NIPSNAP2: variants seen among roughly 807,000 people sequenced by gnomAD.
The protein encoded by NIPSNAP2 is nipsnap homolog 2, also known as protein NipSnap homolog 2.
In NIPSNAP2, 42 loss-of-function variants were observed where a neutral mutation model predicts 48.4. The observed-to-expected ratio is 0.87, with a 90% CI of 0.68 to 1.12. NIPSNAP2 has a LOEUF of 1.12. Ranked by LOEUF, NIPSNAP2 falls within the 50% of genes most tolerant of loss-of-function variation. The pLI is 0.00. For synonymous variants in NIPSNAP2, 158 were observed against 126.6 expected, an observed-to-expected ratio of 1.25 and a Z score of -1.67; for missense variants, 314 against 347.3, an observed-to-expected ratio of 0.90 and a Z score of 0.76.
chr7:55,978,659 T>C, intron 3 of NIPSNAP2: 1 of 433,932 alleles, frequency 2.3e-6, no homozygotes, highest in South Asian at 3.0e-5. Context: ...TGCCAGGCTG[T>C]CTAGTCCATC....
At chr7:55,997,611 A>T (rs759417879) in intron 9 of NIPSNAP2, among the ~76,000 whole-genome samples, 162 bp downstream of exon 9, 51 of 152,190 alleles carry the variant, frequency 3.4e-4, no homozygotes, top group Non-Finnish European at 5.1e-4. Context: ...TCTAATACTT[A>T]CATGACTTTT....
At chr7:55,998,493 GTTTTTTTTTTTT>G (rs1164855630) in intron 9 of NIPSNAP2, among the ~76,000 whole-genome samples, 3 of 63,188 alleles carry the variant, frequency 4.7e-5, no homozygotes, top group East Asian at 5.2e-4. Flanking sequence ...GGTAGGATCT[GTTTTTTTTTTTT>G]TTTTTTTTTT....
intron 9 of NIPSNAP2, among the ~76,000 whole-genome samples, chr7:55,998,263 G>A (rs1787606469): frequency 6.6e-6 from 1 of 151,636 alleles, no homozygotes; most frequent in Admixed American, 6.6e-5. Flanking sequence ...AAAAAAAAGT[G>A]TATCTCAGCC....
chr7:55,992,245 G>A (rs149950833), intron 7 of NIPSNAP2, among the ~76,000 whole-genome samples: 1 of 152,176 alleles, frequency 6.6e-6, no homozygotes, highest in East Asian at 1.9e-4. Context: ...ATTTTAAGGA[G>A]ACTGGATTGC....
Position 55,983,696 on chromosome 7 carries a change from A to G in NIPSNAP2, c.445-32A>G, listed in dbSNP as rs534830958. 50 of 1,611,100 alleles carry G rather than the reference A, an allele frequency of 3.1e-5. No homozygotes were observed. The South Asian group carries it at 5.1e-4, about 16-fold the overall frequency. ...AATGGGCTTATATGTAAGTATCAGA[A>G]GATTTCATGAGCACATTTTTTTCAC... On this transcript the variant is annotated intron_variant, in intron 5 of 9. Transcript: ENST00000322090.
intron 6 of NIPSNAP2, 21 bp downstream of exon 6, chr7:55,983,889 T>C: frequency 6.2e-7 from 1 of 1,606,536 alleles, no homozygotes; most frequent in South Asian, 1.1e-5. Flanking sequence ...AAATATAAGT[T>C]ATTCCTTTTA....
At position 55,992,366 on chromosome 7, in the gene NIPSNAP2, T is replaced by A. The variant is rs1209816121; in HGVS notation, c.618-2528T>A. 3.9e-5 allele frequency among the ~76,000 whole-genome samples: 6 copies of A among 152,310 alleles called. No homozygotes were observed. The East Asian group carries it at 1.2e-3, about 29-fold the overall frequency. On this transcript the variant is annotated intron_variant, in intron 7 of 9. Transcript: ENST00000322090. ...TTGGCTGTGCTTAGTGGTGCAAGCC[T>A]GTAGTTCCAGCTACTCAGGAGGCCG...
At chr7:55,981,314 G>A in intron 3 of NIPSNAP2, 159 bp from the exon 4 acceptor site, 2 of 561,812 alleles carry the variant, frequency 3.6e-6, no homozygotes, top group Non-Finnish European at 6.4e-6. Flanking sequence ...ACATAATTCA[G>A]CTAAAAGGTT....
At chr7:55,968,394 T>C (rs1365849161) in intron 1 of NIPSNAP2, among the ~76,000 whole-genome samples, 1 of 151,588 alleles carries the variant, frequency 6.6e-6, no homozygotes, top group Non-Finnish European at 1.5e-5. Context: ...CTTTTTTTTT[T>C]TTTTTTCCTG....
At chr7:55,969,808 CCT>C (rs1485009015) in intron 1 of NIPSNAP2, among the ~76,000 whole-genome samples, 2 of 151,892 alleles carry the variant, frequency 1.3e-5, no homozygotes, top group Non-Finnish European at 2.9e-5. Flanking sequence ...ATGGTGAAAC[CCT>C]GTCTCTACTA....
rs752561044 is a variant in NIPSNAP2 at position 55,978,124 on chromosome 7, AGG to A, written c.93-1_93del. 1 of 1,614,030 alleles carries A rather than the reference AGG, an allele frequency of 6.2e-7. No homozygotes were observed. The highest frequency in any genetic ancestry group is 8.5e-7 in the Non-Finnish European group (1 of 1,179,966). Reference sequence around the variant, plus strand: ...CGTGACAACACCTTTGTTATTCCATAGGACATGGACATCTTCCAGCAACAGAT... The same window carrying A: ...CGTGACAACACCTTTGTTATTCCATAACATGGACATCTTCCAGCAACAGAT... On this transcript the variant is annotated splice_acceptor_variant and coding_sequence_variant, in exon 2 of 10. Coordinates refer to ENST00000322090, the MANE Select transcript of NIPSNAP2 (RefSeq NM_001483.3). LOFTEE classifies it high-confidence loss of function.
intron 7 of NIPSNAP2, chr7:55,991,679 C>T (rs955347074): frequency 6.4e-6 from 1 of 155,996 alleles, no homozygotes; most frequent in Non-Finnish European, 1.4e-5. Context: ...ACCCATGAGG[C>T]AGAGGTTGTG....
chr7:55,971,507 G>C (rs1248944201), intron 1 of NIPSNAP2, among the ~76,000 whole-genome samples: 1 of 152,024 alleles, frequency 6.6e-6, no homozygotes, highest in Non-Finnish European at 1.5e-5. Context: ...TCTGTTGCCC[G>C]GGCTGGAGTA....
chr7:55,986,989 A>C (rs914419012), intron 7 of NIPSNAP2, among the ~76,000 whole-genome samples: 1 of 134,918 alleles, frequency 7.4e-6, no homozygotes, highest in African/African-American at 2.5e-5. Context: ...TCTATAAAAA[A>C]AAAAAAAAAA....
At chr7:55,994,528 C>T (rs560026939) in intron 7 of NIPSNAP2, among the ~76,000 whole-genome samples, 2 of 152,118 alleles carry the variant, frequency 1.3e-5, no homozygotes, top group East Asian at 3.9e-4. Context: ...GCCTGGCCAA[C>T]ATAGGGAAAT....
chr7:55,989,104 A>G (rs1436410212), intron 7 of NIPSNAP2, among the ~76,000 whole-genome samples: 2 of 152,130 alleles, frequency 1.3e-5, no homozygotes, highest in Non-Finnish European at 2.9e-5. Flanking sequence ...AACAACCTAA[A>G]TGCCCATCAG....
chr7:55,978,339 T>G lies in NIPSNAP2; in HGVS notation c.233-11T>G, dbSNP rs373444651. The G allele has an allele frequency of 1.2e-6, 2 of 1,613,422 alleles. No homozygotes were observed. Among genetic ancestry groups the G allele is most frequent in the East Asian group, 2.2e-5 (1 of 44,884 alleles). On this transcript the variant is annotated splice_polypyrimidine_tract_variant and intron_variant, in intron 2 of 9. Transcript: ENST00000322090. ...TTCCTAAGTTTATCGTTGAATTTTC[T>G]TTTGTTTCAGTTCACAATGTTAAAC...
At chr7:55,968,797 T>G (rs1014467012) in intron 1 of NIPSNAP2, among the ~76,000 whole-genome samples, 1 of 152,036 alleles carries the variant, frequency 6.6e-6, no homozygotes, top group African/African-American at 2.4e-5. Flanking sequence ...AGGCCAAGGC[T>G]CACGGATCAC....
chr7:55,981,552 G>C lies in NIPSNAP2; in HGVS notation c.358G>C (p.Glu120Gln). ...GGGGACTTGGAACACGTGGTATGGC[G>C]AGCAGGACCAAGCTGGTAGGAAGCG... ...LVGTWNTWYGEQDQAVHLWRY... is the reference protein window; with the variant it reads ...LVGTWNTWYGQQDQAVHLWRY... The change falls in exon 4 of 10, where the codon GAG becomes CAG. Residue 120 changes from glutamate (E) to glutamine (Q), a missense_variant. By Grantham distance (29) the Glu-to-Gln change is conservative. Coordinates refer to ENST00000322090, the MANE Select transcript of NIPSNAP2 (RefSeq NM_001483.3). 6.2e-7 allele frequency: 1 copy of C among 1,613,420 alleles called. No individual in the cohort carries two copies. The highest frequency in any genetic ancestry group is 8.5e-7 in the Non-Finnish European group (1 of 1,179,494).
Sources: allele counts gnomAD v4.1 joint callset (sites outside exome capture counted in the v4.1 genomes callset), GRCh38; gene constraint gnomAD v4.1.1; transcripts MANE v1.5; gene names NCBI Gene and HGNC (gene_info 2026-07-23, HGNC 2026-07-21).